ATP2C2: variants seen among roughly 807,000 people sequenced by gnomAD.
The protein encoded by ATP2C2 is ATPase secretory pathway Ca2+ transporting 2.
In ATP2C2, 171 loss-of-function variants were observed where a neutral mutation model predicts 110.8. That is an observed-to-expected ratio of 1.54 (90% CI 1.36 to 1.75). The LOEUF (loss-of-function observed/expected upper bound fraction) is 1.75, where lower values mean the gene tolerates loss of function less well. Among genes scored for constraint, ATP2C2 ranks in the 40% most tolerant of loss-of-function variants. The pLI is 0.00. For synonymous variants in ATP2C2, 804 were observed against 508.4 expected (o/e 1.58, Z -7.82); for missense variants, 1,963 against 1,235.0 (o/e 1.59, Z -8.84).
At chr16:84,417,410 T>C (rs1906936858) in intron 7 of ATP2C2, among the ~76,000 whole-genome samples, 2 of 152,236 alleles carry the variant, frequency 1.3e-5, no homozygotes, top group Non-Finnish European at 2.9e-5. Context: ...ATTGTGAAGA[T>C]GAAACAAGCT....
At chr16:84,448,051 C>G (rs1024308280) in intron 16 of ATP2C2, among the ~76,000 whole-genome samples, 18 of 151,998 alleles carry the variant, frequency 1.2e-4, no homozygotes, top group African/African-American at 4.1e-4. Flanking sequence ...TTTGTCATGA[C>G]AGAGCTTAAG....
intron 3 of ATP2C2, among the ~76,000 whole-genome samples, chr16:84,405,617 C>A (rs955854675): frequency 4.0e-5 from 6 of 151,890 alleles, no homozygotes; most frequent in African/African-American, 1.4e-4. Flanking sequence ...ATATAGGATG[C>A]CCTGTTAAAT....
intron 7 of ATP2C2, among the ~76,000 whole-genome samples, chr16:84,416,044 T>TGG: frequency 6.6e-6 from 1 of 152,178 alleles, no homozygotes; most frequent in Non-Finnish European, 1.5e-5. Flanking sequence ...CATGGTGGCA[T>TGG]GTGCCTGTAG....
intron 16 of ATP2C2, among the ~76,000 whole-genome samples, 162 bp from the exon 17 acceptor site, chr16:84,448,371 G>A (rs555150154): frequency 2.2e-4 from 34 of 152,246 alleles, no homozygotes; most frequent in African/African-American, 6.7e-4. Context: ...CTAGAACTTC[G>A]CGAACCTGTC....
At chr16:84,455,071 G>A in intron 21 of ATP2C2, 87 bp downstream of exon 21, 1 of 1,376,236 alleles carries the variant, frequency 7.3e-7, no homozygotes, top group Non-Finnish European at 9.6e-7. Flanking sequence ...TGGAGATAGA[G>A]GGGGGGGTCT....
chr16:84,406,711 G>C (rs1905801636), intron 3 of ATP2C2: 2 of 929,564 alleles, frequency 2.2e-6, no homozygotes, highest in African/African-American at 3.6e-5. Context: ...AGAAGAGGCA[G>C]TGGAGGCTCC....
In ATP2C2 at chr16:84,425,077, C is replaced by T. The variant is rs1402661680; in HGVS notation, c.920-658C>T. ...TAACAGATACTGTGGCAGCTGCCCCCCTCAATACATACACACACACACCCC... is the reference window on the plus strand; with the variant it reads ...TAACAGATACTGTGGCAGCTGCCCCTCTCAATACATACACACACACACCCC... On this transcript the variant is annotated intron_variant, in intron 10 of 26. Transcript: ENST00000262429. Among the ~76,000 whole-genome samples the T allele has an allele frequency of 3.9e-5, 6 of 152,242 alleles. No homozygotes were observed. In the East Asian group the frequency reaches 1.2e-3, roughly 29 times the overall value.
intron 11 of ATP2C2, chr16:84,426,062 A>T (rs1212706122): frequency 4.4e-6 from 2 of 457,476 alleles, no homozygotes; most frequent in African/African-American, 3.9e-5. Flanking sequence ...AAAAAAAAAA[A>T]AAATACCTGA....
intron 1 of ATP2C2, among the ~76,000 whole-genome samples, chr16:84,393,143 C>A (rs748839366): frequency 3.3e-5 from 5 of 152,136 alleles, no homozygotes; most frequent in African/African-American, 4.8e-5. Context: ...GGGATGGGGG[C>A]CGTACCAGAG....
Position 84,380,550 on chromosome 16 carries a change from G to A in ATP2C2, c.99+11836G>A, listed in dbSNP as rs191349907. On this transcript the variant is annotated intron_variant, in intron 1 of 26. Transcript: ENST00000262429. ...TCCTGTTTGTTTCTGATCAGTTTGCGGTAATCAGGTCACTGTTTGCTTGGG... is the reference window on the plus strand; with the variant it reads ...TCCTGTTTGTTTCTGATCAGTTTGCAGTAATCAGGTCACTGTTTGCTTGGG... Among the ~76,000 whole-genome samples the A allele has an allele frequency of 1.7e-3, 262 of 152,270 alleles. 1 individual carries two copies. Among genetic ancestry groups the A allele is most frequent in the African/African-American group, 5.9e-3 (247 of 41,552 alleles).
intron 11 of ATP2C2, among the ~76,000 whole-genome samples, chr16:84,433,794 A>C (rs1908500289): frequency 6.6e-6 from 1 of 152,206 alleles, no homozygotes; most frequent in Admixed American, 6.5e-5. Flanking sequence ...TATTTCCAGA[A>C]GAAAAAGCAA....
intron 2 of ATP2C2, among the ~76,000 whole-genome samples, chr16:84,403,660 G>A (rs1905496659): frequency 6.6e-6 from 1 of 151,994 alleles, no homozygotes; most frequent in South Asian, 2.1e-4. Flanking sequence ...TCACACTGTT[G>A]CACAACCATC....
intron 1 of ATP2C2, among the ~76,000 whole-genome samples, chr16:84,383,179 T>C (rs1476601682): frequency 6.6e-6 from 1 of 152,182 alleles, no homozygotes; most frequent in East Asian, 1.9e-4. Context: ...GCAGGTCCAC[T>C]AGGAACCAGC....
chr16:84,461,276 A>G (rs924787442), intron 24 of ATP2C2: 42 of 290,396 alleles, frequency 1.4e-4, no homozygotes, highest in Admixed American at 1.4e-3. Flanking sequence ...CCATGTGACC[A>G]CACCACAGAT....
At chr16:84,385,473 C>G (rs1247289018) in intron 1 of ATP2C2, among the ~76,000 whole-genome samples, 2 of 152,176 alleles carry the variant, frequency 1.3e-5, no homozygotes, top group African/African-American at 4.8e-5. Flanking sequence ...ATCATTCTCT[C>G]TCATTTAACG....
At chr16:84,430,477 C>G (rs1459247789) in intron 11 of ATP2C2, among the ~76,000 whole-genome samples, 2 of 152,010 alleles carry the variant, frequency 1.3e-5, no homozygotes, top group Non-Finnish European at 2.9e-5. Context: ...CCCATCTGTA[C>G]TAAAAATACA....
intron 3 of ATP2C2, among the ~76,000 whole-genome samples, chr16:84,407,988 CTGT>C (rs1276706491): frequency 1.3e-5 from 2 of 152,188 alleles, no homozygotes; most frequent in African/African-American, 4.8e-5. Context: ...TCCCTAGAGG[CTGT>C]TACAGGAGCA....
intron 6 of ATP2C2, among the ~76,000 whole-genome samples, chr16:84,413,793 C>T (rs1459300891): frequency 6.9e-6 from 1 of 144,644 alleles, no homozygotes; most frequent in Admixed American, 6.9e-5. Flanking sequence ...CTGTGCGGGA[C>T]CCCCTCCCTG....
intron 4 of ATP2C2, among the ~76,000 whole-genome samples, chr16:84,409,643 C>A (rs1199953840): frequency 6.6e-6 from 1 of 152,086 alleles, no homozygotes; most frequent in African/African-American, 2.4e-5. Context: ...CAGGTGCCCG[C>A]CACCACTCCT....
Sources: gnomAD v4.1 joint callset for allele counts (sites outside exome capture counted in the v4.1 genomes callset) on GRCh38, gnomAD v4.1.1 for gene constraint, MANE v1.5 for transcripts, NCBI Gene and HGNC (gene_info 2026-07-23, HGNC 2026-07-21) for gene names.